ZNF475: variants seen among roughly 807,000 people sequenced by gnomAD.
The protein encoded by ZNF475 is zinc finger protein 475.
the ZNF475 span, among the ~76,000 whole-genome samples, chr5:122,178,460 C>T: frequency 6.6e-6 from 1 of 152,220 alleles, no homozygotes; most frequent in African/African-American, 2.4e-5. Context: ...GCTAGTATCT[C>T]ATTGTGGTTT....
the ZNF475 span, among the ~76,000 whole-genome samples, chr5:122,166,518 G>T: frequency 1.6e-4 from 24 of 152,022 alleles, no homozygotes; most frequent in African/African-American, 5.6e-4. Flanking sequence ...ACAGGCCCCA[G>T]TGTATGATGT....
chr5:122,170,204 C>T, the ZNF475 span, among the ~76,000 whole-genome samples: 1 of 151,932 alleles, frequency 6.6e-6, no homozygotes, highest in Admixed American at 6.6e-5. Context: ...GGATTTTTTC[C>T]CCCACAGCAA....
chr5:122,170,903 A>G, the ZNF475 span, among the ~76,000 whole-genome samples: 1 of 152,184 alleles, frequency 6.6e-6, no homozygotes, highest in East Asian at 1.9e-4. Flanking sequence ...CTCTTGTTTC[A>G]GAAACAGGGA....
chr5:122,161,643 AT>A, the ZNF475 span, among the ~76,000 whole-genome samples: 6 of 151,970 alleles, frequency 3.9e-5, no homozygotes, highest in Admixed American at 2.6e-4. Flanking sequence ...GTCAGAGAGC[AT>A]TTTTTTTCAT....
the ZNF475 span, chr5:122,179,804 TC>T: frequency 2.6e-6 from 3 of 1,139,138 alleles, no homozygotes; most frequent in South Asian, 2.3e-5. Flanking sequence ...GCAGAAGTAT[TC>T]TTTTTTCACT....
chr5:122,167,156 TG>T, the ZNF475 span, among the ~76,000 whole-genome samples: 1 of 152,200 alleles, frequency 6.6e-6, no homozygotes, highest in Admixed American at 6.5e-5. Context: ...GCCAAGAAAC[TG>T]GTCGGTTATG....
chr5:122,168,200 A>G, the ZNF475 span, among the ~76,000 whole-genome samples: 2 of 152,134 alleles, frequency 1.3e-5, no homozygotes, highest in Non-Finnish European at 2.9e-5. Context: ...ACCTGCCATC[A>G]TGCCCAGCTA....
At chr5:122,179,583 T>C in the ZNF475 span, 7 of 1,523,620 alleles carry the variant, frequency 4.6e-6, no homozygotes, top group South Asian at 7.4e-5. Flanking sequence ...AGCAGTTGTT[T>C]GCTACATTTG....
chr5:122,160,294 G>C, the ZNF475 span: 1 of 1,288,264 alleles, frequency 7.8e-7, no homozygotes, highest in Non-Finnish European at 1.0e-6. Context: ...TACATTGTTG[G>C]CTCCAGAAGG....
the ZNF475 span, chr5:122,179,715 G>T: frequency 6.6e-7 from 1 of 1,518,354 alleles, no homozygotes; most frequent in Admixed American, 2.2e-5. Context: ...AAAACCAGAA[G>T]TCAGGACCAT....
chr5:122,173,402 C>A, the ZNF475 span, among the ~76,000 whole-genome samples: 886 of 152,274 alleles, frequency 5.8e-3, 13 homozygotes, highest in African/African-American at 0.02. Flanking sequence ...AGCCTCTTTT[C>A]TTGGTCCTTA....
the ZNF475 span, among the ~76,000 whole-genome samples, chr5:122,165,510 A>G: frequency 1.3e-5 from 2 of 152,142 alleles, no homozygotes; most frequent in Non-Finnish European, 2.9e-5. Context: ...TTACAGATTA[A>G]TGATTACAAC....
At chr5:122,165,869 A>G in the ZNF475 span, among the ~76,000 whole-genome samples, 1 of 152,192 alleles carries the variant, frequency 6.6e-6, no homozygotes, top group Non-Finnish European at 1.5e-5. Flanking sequence ...ATTTGCATAC[A>G]TATTTAGTAA....
chr5:122,162,226 A>ACCTTTT, the ZNF475 span: 1 of 152,254 alleles, frequency 6.6e-6, no homozygotes, highest in African/African-American at 2.4e-5. Context: ...TCTTAGGTTA[A>ACCTTTT]AAGGAACAAA....
At chr5:122,179,459 T>A in the ZNF475 span, 1 of 555,554 alleles carries the variant, frequency 1.8e-6, no homozygotes, top group African/African-American at 1.9e-5. Flanking sequence ...GTCCTTCATA[T>A]CCCTTGTAAG....
the ZNF475 span, among the ~76,000 whole-genome samples, chr5:122,181,954 C>T: frequency 6.6e-6 from 1 of 152,068 alleles, no homozygotes; most frequent in Non-Finnish European, 1.5e-5. Context: ...GAGTTTATGA[C>T]CATGAAGAGA....
At chr5:122,166,771 C>T in the ZNF475 span, among the ~76,000 whole-genome samples, 402 of 152,294 alleles carry the variant, frequency 2.6e-3, no homozygotes, top group Non-Finnish European at 3.4e-3. Context: ...CAAGTCTTTG[C>T]TATTGTGAAT....
At chr5:122,168,834 C>G in the ZNF475 span, among the ~76,000 whole-genome samples, 36 of 152,328 alleles carry the variant, frequency 2.4e-4, no homozygotes, top group African/African-American at 8.2e-4. Flanking sequence ...TGCCCTCTCT[C>G]TATCCAAAAC....
the ZNF475 span, among the ~76,000 whole-genome samples, chr5:122,165,016 A>G: frequency 6.6e-6 from 1 of 152,240 alleles, no homozygotes; most frequent in African/African-American, 2.4e-5. Context: ...AGTGAGTTCA[A>G]TATGGTCATT....
Sources: gnomAD v4.1 joint callset for allele counts (sites outside exome capture counted in the v4.1 genomes callset) on GRCh38, gnomAD v4.1.1 for gene constraint, MANE v1.5 for transcripts, NCBI Gene and HGNC (gene_info 2026-07-23, HGNC 2026-07-21) for gene names.